Variants in ARHGAP10 observed in about 807,000 individuals in gnomAD.
ARHGAP10 encodes the protein Rho GTPase activating protein 10, also known as rho GTPase-activating protein 10.
Under a neutral mutation model 108.6 loss-of-function variants are expected in ARHGAP10, and 87 were observed. The observed-to-expected ratio is 0.80, with a 90% confidence interval of 0.67 to 0.96. The LOEUF is 0.96. Ranked by LOEUF, ARHGAP10 falls within the 40% of genes least tolerant of loss-of-function variation. The probability of loss-of-function intolerance (pLI) is 0.00; values close to 1 mark genes in which losing one functional copy is unlikely to be tolerated. For missense variants in ARHGAP10, 939 were observed against 954.5 expected (o/e 0.98, Z 0.21); for synonymous variants, 347 against 341.1 (o/e 1.02, Z -0.19).
chr4:147,738,339 C>T (rs570614459), intron 1 of ARHGAP10, among the ~76,000 whole-genome samples: 392 of 151,976 alleles, frequency 2.6e-3, no homozygotes, highest in African/African-American at 9.0e-3. Context: ...ATCACGAGGT[C>T]AGGAGATCGA....
intron 8 of ARHGAP10, among the ~76,000 whole-genome samples, chr4:147,878,176 A>G (rs1220473863): frequency 2.0e-5 from 3 of 151,850 alleles, no homozygotes; most frequent in Non-Finnish European, 4.4e-5. Flanking sequence ...GCTCACTGCA[A>G]CCTCTGCCTC....
chr4:148,002,166 A>C (rs1237611227), intron 18 of ARHGAP10, among the ~76,000 whole-genome samples: 1 of 152,182 alleles, frequency 6.6e-6, no homozygotes, highest in Non-Finnish European at 1.5e-5. Context: ...ATCTATTGAG[A>C]TAATCATGTG....
Position 147,948,897 on chromosome 4 carries a change from C to T in ARHGAP10, c.1391+2193C>T, listed in dbSNP as rs147592754. Among the ~76,000 whole-genome samples the T allele has an allele frequency of 7.2e-4, 108 of 150,290 alleles. 1 individual carries two copies. The highest frequency in any genetic ancestry group is 2.4e-3 in the African/African-American group (99 of 40,876). On this transcript the variant is annotated intron_variant, in intron 15 of 22. Transcript: ENST00000336498. ...AGGAGAAGGGTGGGAACCCAGGAGG[C>T]GGAGCTTGCAGTGAGCCAAGATCCA... is the stretch of plus-strand genomic sequence containing the variant.
At position 148,009,419 on chromosome 4, in the gene ARHGAP10, G is replaced by A. The variant is rs192011382; in HGVS notation, c.1717-13844G>A. Among the ~76,000 whole-genome samples the A allele has an allele frequency of 3.7e-3, 559 of 152,204 alleles. 6 individuals carry two copies. The highest frequency in any genetic ancestry group is 2.4e-3 in the African/African-American group (101 of 41,562). ...AGTGCTGGGATTATAGCCATGAGGC[G>A]CCATGCCTGGCCGAGATCCTCAATA... On this transcript the variant is annotated intron_variant, in intron 18 of 22. Transcript: ENST00000336498.
intron 15 of ARHGAP10, among the ~76,000 whole-genome samples, chr4:147,952,331 C>T (rs1738634863): frequency 6.6e-6 from 1 of 152,170 alleles, no homozygotes; most frequent in Non-Finnish European, 1.5e-5. Context: ...GGGAAACTGA[C>T]AAACTTTCTT....
rs557053645 is a variant in ARHGAP10, at chr4:147,825,528, G to T, written c.312+2571G>T. Among the ~76,000 whole-genome samples the T allele has an allele frequency of 3.2e-4, 49 of 152,282 alleles. No homozygotes were observed. In the South Asian group the frequency reaches 9.1e-3, roughly 28 times the overall value. ...TCATTCCTAAATTTTGAGGTAATTT[G>T]TGTGTATATATTGTAGATACTGTAG... On this transcript the variant is annotated intron_variant, in intron 3 of 22. Coordinates refer to ENST00000336498, the MANE Select transcript of ARHGAP10 (RefSeq NM_024605.4).
intron 19 of ARHGAP10, among the ~76,000 whole-genome samples, chr4:148,039,370 T>TTTTTTTC (rs1728528426): frequency 1.1e-5 from 1 of 91,320 alleles, no homozygotes; most frequent in African/African-American, 8.6e-5. Flanking sequence ...CTACTTCAAT[T>TTTTTTTC]TTTTTTTTTT....
intron 16 of ARHGAP10, 44 bp from the exon 17 acceptor site, chr4:147,964,979 TC>T (rs1199493061): frequency 7.4e-7 from 1 of 1,359,336 alleles, no homozygotes; most frequent in Admixed American, 2.4e-5. Context: ...ACTATTGTTT[TC>T]TTTTTCTTTA....
chr4:147,803,064 A>C (rs1731645532), intron 1 of ARHGAP10, among the ~76,000 whole-genome samples: 1 of 151,600 alleles, frequency 6.6e-6, no homozygotes, highest in Non-Finnish European at 1.5e-5. Flanking sequence ...GCTGGAGGGC[A>C]GTGGTGTGAT....
At chr4:148,052,775 A>G (rs1046704897) in intron 20 of ARHGAP10, among the ~76,000 whole-genome samples, 1 of 152,074 alleles carries the variant, frequency 6.6e-6, no homozygotes, top group Admixed American at 6.6e-5. Flanking sequence ...TAGATAGTGG[A>G]GGTCTAAGGG....
intron 18 of ARHGAP10, among the ~76,000 whole-genome samples, chr4:147,995,990 T>C (rs1740460103): frequency 1.3e-5 from 2 of 152,186 alleles, no homozygotes; most frequent in Admixed American, 1.3e-4. Context: ...GTGCTGGGAT[T>C]ACAGGCATCA....
chr4:147,976,482 G>A (rs1049867026), intron 18 of ARHGAP10, among the ~76,000 whole-genome samples: 10 of 150,190 alleles, frequency 6.7e-5, no homozygotes, highest in Non-Finnish European at 1.3e-4. Flanking sequence ...CCCATCCCCA[G>A]TTTTCATGAA....
At chr4:147,881,229 C>T (rs1735314589) in intron 9 of ARHGAP10, among the ~76,000 whole-genome samples, 1 of 151,438 alleles carries the variant, frequency 6.6e-6, no homozygotes. Flanking sequence ...GCTGAGATTG[C>T]ACCACTGCAC....
intron 1 of ARHGAP10, among the ~76,000 whole-genome samples, chr4:147,813,564 A>G (rs1009165576): frequency 6.6e-6 from 1 of 152,258 alleles, no homozygotes; most frequent in African/African-American, 2.4e-5. Flanking sequence ...AGGCAGTGAC[A>G]TGGCAGCAAA....
intron 1 of ARHGAP10, among the ~76,000 whole-genome samples, chr4:147,739,317 T>A (rs1479694125): frequency 1.3e-5 from 2 of 152,166 alleles, no homozygotes; most frequent in African/African-American, 4.8e-5. Context: ...GTTGCTAAGG[T>A]CATTGCAAAA....
intron 1 of ARHGAP10, among the ~76,000 whole-genome samples, chr4:147,734,258 A>G (rs545193949): frequency 9.2e-5 from 14 of 152,204 alleles, no homozygotes; most frequent in African/African-American, 1.4e-4. Flanking sequence ...GTGACAGCAT[A>G]TTAGCTTTCC....
chr4:147,944,314 A>C (rs1405500076), intron 14 of ARHGAP10, among the ~76,000 whole-genome samples: 2 of 152,228 alleles, frequency 1.3e-5, no homozygotes, highest in African/African-American at 4.8e-5. Context: ...GAACTGATCA[A>C]AATGTAATCA....
At chr4:147,912,544 AACAAATATATATAT>A (rs1299283776) in intron 12 of ARHGAP10, among the ~76,000 whole-genome samples, 8 of 108,598 alleles carry the variant, frequency 7.4e-5, no homozygotes, top group African/African-American at 1.9e-4. Context: ...CAAACAAACA[AACAAATATATATAT>A]ATATATATAT....
chr4:148,021,260 C>G (rs1196338742), intron 18 of ARHGAP10, among the ~76,000 whole-genome samples: 1 of 152,054 alleles, frequency 6.6e-6, no homozygotes, highest in Non-Finnish European at 1.5e-5. Context: ...GCCTCCACAC[C>G]TCACCCCCCA....
Sources: allele counts gnomAD v4.1 joint callset (sites outside exome capture counted in the v4.1 genomes callset), GRCh38; gene constraint gnomAD v4.1.1; transcripts MANE v1.5; gene names NCBI Gene and HGNC (gene_info 2026-07-23, HGNC 2026-07-21).